Variants in LGSN observed in about 807,000 individuals in gnomAD.
LGSN encodes lengsin.
A neutral mutation model predicts 19.5 loss-of-function variants in LGSN; 21 were observed. The ratio of observed to expected loss-of-function variants is 1.07; its 90% CI spans 0.76 to 1.55. The LOEUF is 1.55. Ranked by LOEUF, LGSN falls within the 40% of genes most tolerant of loss-of-function variation. LGSN has a pLI of 0.00. For missense variants in LGSN, 673 were observed against 608.5 expected, an observed-to-expected ratio of 1.11 and a Z score of -1.12; for synonymous variants, 257 against 215.6, an observed-to-expected ratio of 1.19 and a Z score of -1.68.
the LGSN span, among the ~76,000 whole-genome samples, chr6:63,502,647 T>C: frequency 6.6e-6 from 1 of 152,248 alleles, no homozygotes; most frequent in Non-Finnish European, 1.5e-5. Context: ...TTTATCAAGA[T>C]ACTCTTCCCA....
chr6:63,349,350 A>G, the LGSN span, among the ~76,000 whole-genome samples: 4 of 152,216 alleles, frequency 2.6e-5, no homozygotes, highest in African/African-American at 9.6e-5. Context: ...CTGATGAGAA[A>G]CATGGTTGGT....
the LGSN span, chr6:63,572,547 T>C: frequency 5.0e-6 from 2 of 397,436 alleles, no homozygotes; most frequent in South Asian, 1.2e-4. Context: ...TCCGAGCCGC[T>C]CACTGCATGG....
the LGSN span, among the ~76,000 whole-genome samples, chr6:63,426,679 C>T: frequency 1.3e-5 from 2 of 152,060 alleles, no homozygotes; most frequent in African/African-American, 2.4e-5. Flanking sequence ...ATATGCCTGG[C>T]TAATTTTTGT....
the LGSN span, among the ~76,000 whole-genome samples, chr6:63,552,659 T>C: frequency 2.6e-4 from 40 of 152,246 alleles, no homozygotes; most frequent in Admixed American, 1.3e-4. Context: ...AGGATTTTTA[T>C]GGTTTTAGTT....
intron 1 of LGSN, among the ~76,000 whole-genome samples, chr6:63,316,448 CA>C (rs1768864971): frequency 6.6e-6 from 1 of 152,044 alleles, no homozygotes; most frequent in African/African-American, 2.4e-5. Context: ...TATACCTAAC[CA>C]AACATTTTCA....
the LGSN span, among the ~76,000 whole-genome samples, chr6:63,517,473 A>C: frequency 6.6e-6 from 1 of 152,234 alleles, no homozygotes; most frequent in South Asian, 2.1e-4. Context: ...GTATGCACAC[A>C]TGATGCCCCG....
chr6:63,429,537 A>G, the LGSN span, among the ~76,000 whole-genome samples: 2 of 152,046 alleles, frequency 1.3e-5, no homozygotes, highest in Non-Finnish European at 2.9e-5. Context: ...GGAGTTCGAG[A>G]CGAGCCTGGC....
At chr6:63,403,101 C>CAGAGAGAGAGAGAGAG in the LGSN span, among the ~76,000 whole-genome samples, 132 of 148,856 alleles carry the variant, frequency 8.9e-4, no homozygotes, top group African/African-American at 3.0e-3. Context: ...GAGAGAGAGA[C>CAGAGAGAGAGAGAGAG]AGAGAGAGAG....
the LGSN span, among the ~76,000 whole-genome samples, chr6:63,412,567 A>AAAGAAAGAAAGAAAGGAAGG: frequency 1.6e-5 from 2 of 121,540 alleles, no homozygotes; most frequent in Non-Finnish European, 3.3e-5. Flanking sequence ...AGAAAGAAAG[A>AAAGAAAGAAAGAAAGGAAGG]AAGGAAGGAA....
At chr6:63,302,514 C>G (rs1768222051) in intron 1 of LGSN, among the ~76,000 whole-genome samples, 1 of 152,114 alleles carries the variant, frequency 6.6e-6, no homozygotes, top group African/African-American at 2.4e-5. Context: ...ACTAAAAGCT[C>G]TAATGAAGAA....
the LGSN span, among the ~76,000 whole-genome samples, chr6:63,385,718 T>C: frequency 2.6e-5 from 4 of 152,202 alleles, no homozygotes; most frequent in Non-Finnish European, 4.4e-5. Flanking sequence ...GCTTAGTTTC[T>C]CTTAGGTGGG....
the LGSN span, among the ~76,000 whole-genome samples, chr6:63,472,009 TC>T: frequency 6.6e-6 from 1 of 152,232 alleles, no homozygotes; most frequent in Non-Finnish European, 1.5e-5. Context: ...AGGATTATTT[TC>T]TTTTTTTCTC....
At position 63,277,695 on chromosome 6, in the gene LGSN, T is replaced by C. The variant is rs1767138372; in HGVS notation, c.*2326A>G. ...CAAACCTCCCTTCCCAAGGACATAA[T>C]CCTAGCCACATTATCTGTAGGCCAC... On this transcript the variant is annotated 3_prime_UTR_variant, in exon 4 of 4. Transcript: ENST00000370657. 6.6e-6 allele frequency: 1 copy of C among 152,076 alleles called. No individual in the cohort carries two copies. Among genetic ancestry groups the C allele is most frequent in the African/African-American group, 2.4e-5 (1 of 41,332 alleles). The allele number at this position is 152,076 out of a possible 1,614,324, so 9.4% of individuals were successfully genotyped here.
chr6:63,468,721 C>A, the LGSN span, among the ~76,000 whole-genome samples: 1 of 152,074 alleles, frequency 6.6e-6, no homozygotes, highest in Admixed American at 6.6e-5. Flanking sequence ...AGTCACTGCA[C>A]CCGGCCATGT....
chr6:63,333,052 C>G, the LGSN span, among the ~76,000 whole-genome samples: 1 of 151,596 alleles, frequency 6.6e-6, no homozygotes, highest in South Asian at 2.1e-4. Flanking sequence ...CAGTGTGGAC[C>G]CAAAGAGTGA....
the LGSN span, among the ~76,000 whole-genome samples, chr6:63,511,742 T>C: frequency 6.6e-6 from 1 of 152,198 alleles, no homozygotes; most frequent in South Asian, 2.1e-4. Flanking sequence ...GAATCAAAAT[T>C]GGAAAATATT....
At chr6:63,455,749 C>T in the LGSN span, among the ~76,000 whole-genome samples, 6 of 151,508 alleles carry the variant, frequency 4.0e-5, no homozygotes, top group Non-Finnish European at 8.8e-5. Context: ...AGTGAAACTC[C>T]GTCTCAAAAT....
the LGSN span, chr6:63,392,286 C>G: frequency 6.6e-6 from 1 of 152,432 alleles, no homozygotes; most frequent in African/African-American, 2.4e-5. Context: ...CTGCTCCTGG[C>G]CCTGGGCCTG....
At chr6:63,303,351 G>GA (rs1219209825) in intron 1 of LGSN, among the ~76,000 whole-genome samples, 2 of 152,202 alleles carry the variant, frequency 1.3e-5, no homozygotes, top group Admixed American at 6.5e-5. Flanking sequence ...CGGTTATCAA[G>GA]AAATGTGTTT....
Sources: gnomAD v4.1 joint callset for allele counts (sites outside exome capture counted in the v4.1 genomes callset) on GRCh38, gnomAD v4.1.1 for gene constraint, MANE v1.5 for transcripts, NCBI Gene and HGNC (gene_info 2026-07-23, HGNC 2026-07-21) for gene names.